LASP1: variants seen among roughly 807,000 people sequenced by gnomAD.
The protein encoded by LASP1 is LIM and SH3 protein 1.
Under a neutral mutation model 38.6 loss-of-function variants are expected in LASP1, and 10 were observed. That is an observed-to-expected ratio of 0.26 (90% confidence interval 0.16 to 0.44). LASP1 has a LOEUF of 0.44. Among genes scored for constraint, LASP1 ranks in the 20% least tolerant of loss-of-function variants. The pLI is 1.00. For synonymous variants in LASP1, 132 were observed against 140.8 expected (o/e 0.94, Z 0.44); for missense variants, 243 against 375.7 (o/e 0.65, Z 2.92).
In LASP1 at chr17:38,918,121, C is replaced by T. The variant is rs954949440; in HGVS notation, c.613-484C>T. ...CACCATTGCACTCCAGCTTGGGTGA[C>T]AAAGCAAGACTCCATCTCAAAAAAA... On this transcript the variant is annotated intron_variant, in intron 6 of 6. Coordinates refer to ENST00000318008, the MANE Select transcript of LASP1 (RefSeq NM_006148.4). This position sits in a 1 kb window ranked among gnomAD's most constrained non-coding sequence, Gnocchi z 4.4. Among the ~76,000 whole-genome samples the T allele has an allele frequency of 7.6e-6, 1 of 132,412 alleles. No homozygotes were observed. The highest frequency in any genetic ancestry group is 2.2e-4 in the East Asian group (1 of 4,532). The allele number at this position is 132,412 out of a possible 152,430, so 86.9% of individuals were successfully genotyped here. A position where few individuals can be genotyped will look rare whatever the true frequency, so the allele number is the denominator to read the frequency against.
intron 4 of LASP1, among the ~76,000 whole-genome samples, chr17:38,907,533 T>C (rs1161767592): frequency 2.0e-5 from 3 of 152,182 alleles, no homozygotes; most frequent in Admixed American, 6.5e-5. Flanking sequence ...CTGAGCCTCA[T>C]GTTCCTCTTC....
At chr17:38,872,953 G>A (rs1437057224) in intron 1 of LASP1, among the ~76,000 whole-genome samples, 2 of 152,188 alleles carry the variant, frequency 1.3e-5, no homozygotes, top group Admixed American at 6.5e-5. Flanking sequence ...GAAGGAGGTC[G>A]AGATTTGCTT....
At chr17:38,907,882 C>G (rs946706118) in intron 4 of LASP1, among the ~76,000 whole-genome samples, 1 of 152,166 alleles carries the variant, frequency 6.6e-6, no homozygotes, top group African/African-American at 2.4e-5. Context: ...TTTGCAGGAC[C>G]GCCTGGGAGC....
chr17:38,917,777 C>A (rs1027349311), intron 6 of LASP1, among the ~76,000 whole-genome samples: 1 of 151,844 alleles, frequency 6.6e-6, no homozygotes, highest in Non-Finnish European at 1.5e-5. Context: ...GCAGCCTTAA[C>A]CTCCTGGGTT....
chr17:38,898,632 C>A (rs763824278), intron 4 of LASP1, 113 bp downstream of exon 4: 72 of 771,494 alleles, frequency 9.3e-5, no homozygotes, highest in Non-Finnish European at 1.4e-4. Flanking sequence ...GCCTCCACTA[C>A]CCCTGCCCTC....
intron 4 of LASP1, among the ~76,000 whole-genome samples, chr17:38,902,860 G>A (rs997388230): frequency 3.9e-5 from 6 of 152,010 alleles, no homozygotes; most frequent in Non-Finnish European, 8.8e-5. Flanking sequence ...ATGCCACCAC[G>A]CCTGGCTAAT....
chr17:38,900,031 C>G (rs1195573385), intron 4 of LASP1, among the ~76,000 whole-genome samples: 3 of 151,632 alleles, frequency 2.0e-5, no homozygotes, highest in Non-Finnish European at 2.9e-5. Flanking sequence ...CACCCGGCCA[C>G]ATTCAGATCT....
chr17:38,887,027 C>A (rs909711273), intron 2 of LASP1, among the ~76,000 whole-genome samples: 1 of 152,206 alleles, frequency 6.6e-6, no homozygotes, highest in Admixed American at 6.5e-5. Flanking sequence ...AGCCACTGCA[C>A]CCAGCCTGGC....
chr17:38,885,589 C>T (rs1598107713), intron 2 of LASP1, among the ~76,000 whole-genome samples: 1 of 152,192 alleles, frequency 6.6e-6, no homozygotes, highest in East Asian at 1.9e-4. Context: ...TACAGGCTGG[C>T]CTATGGGACA....
intron 5 of LASP1, 119 bp downstream of exon 5, chr17:38,914,594 C>A: frequency 7.9e-7 from 1 of 1,258,904 alleles, no homozygotes; most frequent in Non-Finnish European, 1.1e-6. Context: ...AATCAACAGG[C>A]GATTATGCCT....
rs142510362 is a variant in LASP1 at position 38,902,057 on chromosome 17, G to T, written c.357+3538G>T. Among the ~76,000 whole-genome samples, 12 of 150,188 alleles carry T rather than the reference G, an allele frequency of 8.0e-5. No individual in the cohort carries two copies. In the East Asian group the frequency reaches 2.4e-3, roughly 30 times the overall value. ...GCTGGGATTACAGGCGTGAGACACC[G>T]AGCCCAGCCTATTTTTATTTTTGAG... On this transcript the variant is annotated intron_variant, in intron 4 of 6. Transcript: ENST00000318008.
chr17:38,919,118 C>G lies in LASP1; in HGVS notation c.*340C>G. On this transcript the variant is annotated 3_prime_UTR_variant, in exon 7 of 7. Coordinates refer to ENST00000318008, the MANE Select transcript of LASP1 (RefSeq NM_006148.4). ...CCCCTCACATCCTCCTGCCCAGCTC[C>G]TCACATACCCACACATTCCAGGGCT... is the stretch of plus-strand genomic sequence containing the variant. The G allele has an allele frequency of 2.7e-6, 1 of 370,734 alleles. No homozygotes were observed. Among genetic ancestry groups the G allele is most frequent in the East Asian group, 4.7e-5 (1 of 21,432 alleles). The allele number at this position is 370,734 out of a possible 1,614,324, so 23.0% of individuals were successfully genotyped here. A position where few individuals can be genotyped will look rare whatever the true frequency, so the allele number is the denominator to read the frequency against.
In LASP1 at chr17:38,920,770, A is replaced by C. The variant is rs190728265; in HGVS notation, c.*1992A>C. 1.7e-4 allele frequency: 39 copies of C among 232,984 alleles called. No individual in the cohort carries two copies. The East Asian group carries it at 2.3e-3, about 14-fold the overall frequency. The allele number at this position is 232,984 out of a possible 1,614,324, so 14.4% of individuals were successfully genotyped here. ...TAGGTGGAGGCAAGTGGAATATCTT[A>C]TATTGGGCGATTTGGGGGCTCGGGG... On this transcript the variant is annotated 3_prime_UTR_variant, in exon 7 of 7. Transcript: ENST00000318008.
At chr17:38,884,761 G>T (rs996955825) in intron 2 of LASP1, among the ~76,000 whole-genome samples, 4 of 146,442 alleles carry the variant, frequency 2.7e-5, no homozygotes, top group African/African-American at 1.0e-4. Context: ...TGTGATCTCG[G>T]CTCACTACAA....
At chr17:38,895,640 CCTT>C (rs1050101861) in intron 3 of LASP1, among the ~76,000 whole-genome samples, 17 of 152,178 alleles carry the variant, frequency 1.1e-4, no homozygotes, top group Admixed American at 3.3e-4. Context: ...AAGTAATGAT[CCTT>C]CTTCTTATAT....
chr17:38,911,557 G>A (rs1914943800), intron 4 of LASP1, among the ~76,000 whole-genome samples: 1 of 152,206 alleles, frequency 6.6e-6, no homozygotes, highest in Non-Finnish European at 1.5e-5. Context: ...CCCAGCCAGG[G>A]GACAGGGTGC....
At chr17:38,892,207 TA>T (rs1393001954) in intron 3 of LASP1, among the ~76,000 whole-genome samples, 1 of 152,220 alleles carries the variant, frequency 6.6e-6, no homozygotes, top group East Asian at 1.9e-4. Flanking sequence ...GTCTTACAGA[TA>T]GGGGAACCGA....
chr17:38,897,079 C>T, intron 3 of LASP1: 1 of 985,608 alleles, frequency 1.0e-6, no homozygotes, highest in Non-Finnish European at 1.2e-6. Flanking sequence ...TAGGCAGGTT[C>T]TGGACTCTTG....
intron 4 of LASP1, among the ~76,000 whole-genome samples, chr17:38,913,656 C>T (rs1354049466): frequency 1.3e-5 from 2 of 152,162 alleles, no homozygotes; most frequent in Non-Finnish European, 2.9e-5. Flanking sequence ...GCTGTGGTTA[C>T]TGTGGACCCA....
Sources: gnomAD v4.1 joint callset for allele counts (sites outside exome capture counted in the v4.1 genomes callset) on GRCh38, gnomAD v4.1.1 for gene constraint, Gnocchi (gnomAD v3.1) non-coding constraint, MANE v1.5 for transcripts, NCBI Gene and HGNC (gene_info 2026-07-23, HGNC 2026-07-21) for gene names.